The following SBNO1 variants were observed in gnomAD, a reference collection of about 807,000 sequenced individuals.
SBNO1 encodes strawberry notch homolog 1.
In SBNO1, 23 loss-of-function variants were observed where a neutral mutation model predicts 173.6. The observed-to-expected ratio is 0.13, with a 90% CI of 0.10 to 0.19. SBNO1 has a LOEUF of 0.19. SBNO1 is among the 10% of genes least tolerant of loss of function. The pLI, the probability that SBNO1 is intolerant of heterozygous loss-of-function variation, is 1.00. For synonymous variants in SBNO1, 632 were observed against 571.5 expected (o/e 1.11, Z -1.51); for missense variants, 1,238 against 1,671.2 (o/e 0.74, Z 4.52).
In SBNO1 at chr12:123,327,492, G is replaced by A. The variant is rs773867987; in HGVS notation, c.1626C>T (p.Thr542=). ...AAAGAAGAACTTCCTCAATTTTGAAGGTCACTCCAGTAAAGCTCAGTTGTC... is the reference window on the plus strand; with the variant it reads ...AAAGAAGAACTTCCTCAATTTTGAAAGTCACTCCAGTAAAGCTCAGTTGTC... ...IARQLSFTGV[T]FKIEEVLLSQ... The change falls in exon 13 of 32, where the codon ACC becomes ACT. Residue 542 remains threonine (T), a synonymous_variant. Coordinates refer to ENST00000602398, the MANE Select transcript of SBNO1 (RefSeq NM_001167856.3). 1.2e-6 allele frequency: 2 copies of A among 1,613,698 alleles called. No individual in the cohort carries two copies. The highest frequency in any genetic ancestry group is 1.7e-6 in the Non-Finnish European group (2 of 1,179,786).
chr12:123,305,720 G>A (rs1272803925), intron 28 of SBNO1, among the ~76,000 whole-genome samples: 3 of 151,968 alleles, frequency 2.0e-5, no homozygotes, highest in South Asian at 2.1e-4. Context: ...TGATCCACCC[G>A]CCCCGGCCTC....
At chr12:123,297,413 A>AAAAAAAAAAAAAAAAAAG (rs2048643582) in intron 31 of SBNO1, among the ~76,000 whole-genome samples, 1 of 143,906 alleles carries the variant, frequency 6.9e-6, no homozygotes, top group Non-Finnish European at 1.5e-5. Flanking sequence ...AAAAAAAAAA[A>AAAAAAAAAAAAAAAAAAG]AAAAAAAAAT....
chr12:123,356,870 A>G (rs1458305384), intron 1 of SBNO1, among the ~76,000 whole-genome samples: 1 of 152,246 alleles, frequency 6.6e-6, no homozygotes, highest in African/African-American at 2.4e-5. Flanking sequence ...CACGGATACT[A>G]TCACTTAGCA....
chr12:123,310,951 G>A (rs1304811885), intron 25 of SBNO1, 104 bp downstream of exon 25: 2 of 864,952 alleles, frequency 2.3e-6, no homozygotes, highest in East Asian at 2.6e-5. Flanking sequence ...CACCCAGAAT[G>A]TTTTAAGAAC....
chr12:123,303,756 G>A (rs2048849163), intron 29 of SBNO1, among the ~76,000 whole-genome samples: 1 of 151,760 alleles, frequency 6.6e-6, no homozygotes, highest in African/African-American at 2.4e-5. Flanking sequence ...AGCACTTTGG[G>A]AGGCAGAAGT....
At position 123,334,207 on chromosome 12, in the gene SBNO1, A is replaced by G. The variant is rs1297764597; in HGVS notation, c.755T>C (p.Ile252Thr). 16 of 1,557,066 alleles carry G rather than the reference A, an allele frequency of 1.0e-5. No homozygotes were observed. The highest frequency in any genetic ancestry group is 1.3e-5 in the Non-Finnish European group (15 of 1,155,986). The change falls in exon 7 of 32, where the codon ATT becomes ACT. Residue 252 changes from isoleucine (I) to threonine (T), a missense_variant. Physicochemically the swap from Ile to Thr is moderately conservative, Grantham distance 89 (BLOSUM62 -1). This residue lies in a region of SBNO1 where 78 missense variants were observed against 103.3 expected (regional missense o/e 0.76). Coordinates refer to ENST00000602398, the MANE Select transcript of SBNO1 (RefSeq NM_001167856.3). Reference protein sequence around the residue: ...YAEYMPIKLKIGLRHPDAVVE... With the variant: ...YAEYMPIKLKTGLRHPDAVVE... ...TACAGCATCTGGATGACGTAGGCCA[A>G]TTTTTACTAAACAAAAATGTAAAAA...
chr12:123,353,012 GGT>G (rs1442343131), intron 1 of SBNO1, among the ~76,000 whole-genome samples: 1 of 152,138 alleles, frequency 6.6e-6, no homozygotes, highest in Non-Finnish European at 1.5e-5. Flanking sequence ...TGCCCAGGCT[GGT>G]CTCAAACTCC....
At chr12:123,308,715 A>G (rs1276489392) in intron 28 of SBNO1, among the ~76,000 whole-genome samples, 1 of 151,968 alleles carries the variant, frequency 6.6e-6, no homozygotes, top group Non-Finnish European at 1.5e-5. Flanking sequence ...GCTCACATCT[A>G]TAATTCCTTT....
chr12:123,358,058 T>C (rs1874668264), intron 1 of SBNO1, among the ~76,000 whole-genome samples: 1 of 152,228 alleles, frequency 6.6e-6, no homozygotes, highest in Non-Finnish European at 1.5e-5. Flanking sequence ...CAGAAGTGAC[T>C]CAGGGTTTTT....
At chr12:123,357,453 C>T (rs1468194700) in intron 1 of SBNO1, among the ~76,000 whole-genome samples, 2 of 150,786 alleles carry the variant, frequency 1.3e-5, no homozygotes, top group Non-Finnish European at 3.0e-5. Context: ...CGTCTCAAAA[C>T]AACAAACAGT....
intron 1 of SBNO1, chr12:123,363,736 G>A (rs1011326361): frequency 2.1e-6 from 1 of 487,736 alleles, no homozygotes; most frequent in Non-Finnish European, 2.7e-6. Flanking sequence ...CAAAACAAAA[G>A]CCTCCCACAG....
intron 4 of SBNO1, among the ~76,000 whole-genome samples, chr12:123,342,991 C>A (rs1872733481): frequency 6.6e-6 from 1 of 152,120 alleles, no homozygotes; most frequent in Non-Finnish European, 1.5e-5. Context: ...CCTGTAATCC[C>A]AGAACTTTGG....
intron 8 of SBNO1, among the ~76,000 whole-genome samples, chr12:123,330,764 C>T (rs1489268769): frequency 2.6e-5 from 4 of 151,814 alleles, no homozygotes; most frequent in Admixed American, 6.6e-5. Context: ...AAGAAGAGCC[C>T]GTATCTACAA....
chr12:123,328,956 C>G, intron 9 of SBNO1, 61 bp from the exon 10 acceptor site: 1 of 962,314 alleles, frequency 1.0e-6, no homozygotes, highest in Non-Finnish European at 1.5e-6. Flanking sequence ...CAACATTCAT[C>G]CCAACTAAAC....
chr12:123,345,142 T>C (rs1872975425), intron 4 of SBNO1, 116 bp downstream of exon 4: 14 of 829,420 alleles, frequency 1.7e-5, no homozygotes, highest in Non-Finnish European at 2.7e-5. Context: ...CGCAAAATAA[T>C]GCATATAACA....
In SBNO1 at chr12:123,348,058, C is replaced by G. The variant is rs150846044; in HGVS notation, c.208G>C (p.Val70Leu). ...AVPVKQEPETVPTPALLNVRQ... is the reference protein window; with the variant it reads ...AVPVKQEPETLPTPALLNVRQ... ...ACATTTAATAGTGCTGGAGTAGGTA[C>G]AGTCTCTGGTTCTTGTTTAACAGGA... The change falls in exon 3 of 32, where the codon GTA becomes CTA. Residue 70 changes from valine (V) to leucine (L), a missense_variant. Physicochemically the swap from Val to Leu is conservative, Grantham distance 32. Coordinates refer to ENST00000602398, the MANE Select transcript of SBNO1 (RefSeq NM_001167856.3). 3.7e-6 allele frequency: 6 copies of G among 1,609,182 alleles called. No homozygotes were observed. The highest frequency in any genetic ancestry group is 2.2e-5 in the South Asian group (2 of 91,004).
chr12:123,359,771 A>C (rs1874914455), intron 1 of SBNO1, among the ~76,000 whole-genome samples: 1 of 152,088 alleles, frequency 6.6e-6, no homozygotes, highest in Admixed American at 6.6e-5. Context: ...CATCCTTTCC[A>C]CTTAAGGAAA....
chr12:123,321,499 A>G, intron 17 of SBNO1, 36 bp downstream of exon 17: 1 of 1,396,916 alleles, frequency 7.2e-7, no homozygotes, highest in Non-Finnish European at 1.0e-6. Flanking sequence ...CTGAAATATT[A>G]TATGCTTTCG....
At position 123,320,823 on chromosome 12, in the gene SBNO1, T is replaced by C; in HGVS notation, c.2367A>G (p.Lys789=). 6.3e-7 allele frequency: 1 copy of C among 1,597,104 alleles called. No individual in the cohort carries two copies. Among genetic ancestry groups the C allele is most frequent in the South Asian group, 1.1e-5 (1 of 87,544 alleles). ...CTGGATCTATACTTTTCTTCTTTTT[T>C]TTCTCTTTGTTTTTCTTGTGGTCTT... ...IRKDHKKNKE[K]KKKKSIDPDS... Residue 789 remains lysine, a synonymous_variant, in exon 18 of 32, where the codon AAA becomes AAG. Transcript: ENST00000602398.
Sources: gnomAD v4.1 joint callset for allele counts (sites outside exome capture counted in the v4.1 genomes callset) on GRCh38, gnomAD v4.1.1 for gene constraint, gnomAD v4.1.1 regional missense constraint, MANE v1.5 for transcripts, NCBI Gene and HGNC (gene_info 2026-07-23, HGNC 2026-07-21) for gene names.